Variants in TFB1M observed in about 807,000 individuals in gnomAD.
TFB1M encodes the protein transcription factor B1, mitochondrial, also known as dimethyladenosine transferase 1, mitochondrial.
A neutral mutation model predicts 31.1 loss-of-function variants in TFB1M; 27 were observed. That is an observed-to-expected ratio of 0.87 (90% CI 0.64 to 1.20). The LOEUF (loss-of-function observed/expected upper bound fraction) is 1.20. Among genes scored for constraint, TFB1M ranks in the 50% most tolerant of loss-of-function variants. TFB1M has a pLI of 0.00. For missense variants in TFB1M, 394 were observed against 418.7 expected, an observed-to-expected ratio of 0.94 and a Z score of 0.51; for synonymous variants, 166 against 151.8, an observed-to-expected ratio of 1.09 and a Z score of -0.69.
chr6:155,266,291 C>A, intron 5 of TFB1M, among the ~76,000 whole-genome samples: 1 of 152,154 alleles, frequency 6.6e-6, no homozygotes, highest in African/African-American at 2.4e-5. Flanking sequence ...TAAATAAAAG[C>A]CACTGGGTTG....
At chr6:155,293,130 G>A (rs1013915464) in intron 4 of TFB1M, among the ~76,000 whole-genome samples, 4 of 151,706 alleles carry the variant, frequency 2.6e-5, no homozygotes, top group African/African-American at 7.3e-5. Flanking sequence ...GAGCCAGCAC[G>A]CCTGGCCAAA....
At chr6:155,285,106 G>A in intron 5 of TFB1M, 52 bp downstream of exon 5, 2 of 1,609,198 alleles carry the variant, frequency 1.2e-6, no homozygotes, top group Non-Finnish European at 1.7e-6. Context: ...ACATCCTCAG[G>A]GGAACAAACG....
At chr6:155,253,746 A>T (rs1008582391), downstream of TFB1M, 18 of 474,244 alleles carry the variant, frequency 3.8e-5, no homozygotes, top group African/African-American at 3.4e-4. Flanking sequence ...GGGTGAAGGC[A>T]GTTCAGATGG....
In TFB1M at chr6:155,257,134, C is replaced by CAGAT. The variant is rs777421853; in HGVS notation, c.*698_*701dup. The CAGAT allele has an allele frequency of 1.3e-6, 2 of 1,579,710 alleles. No individual in the cohort carries two copies. Among genetic ancestry groups the CAGAT allele is most frequent in the Admixed American group, 3.5e-5 (2 of 57,936 alleles). The stretch of plus-strand genomic sequence containing the variant: ...CGGAAAATCATAGTATGATTCAATC[C>CAGAT]AGATATGGGTTAAATTCCTCATTTT... On this transcript the variant is annotated 3_prime_UTR_variant, in exon 7 of 7. Transcript: ENST00000367166.
At chr6:155,268,576 C>T (rs928737407) in intron 5 of TFB1M, among the ~76,000 whole-genome samples, 5 of 152,158 alleles carry the variant, frequency 3.3e-5, no homozygotes, top group African/African-American at 1.2e-4. Flanking sequence ...CATCACTAAG[C>T]AACACCACAC....
At chr6:155,299,193 C>A (rs1343732065) in intron 2 of TFB1M, among the ~76,000 whole-genome samples, 1 of 151,948 alleles carries the variant, frequency 6.6e-6, no homozygotes, top group Non-Finnish European at 1.5e-5. Context: ...AATGAATTAC[C>A]CTGGATGTTT....
intron 4 of TFB1M, among the ~76,000 whole-genome samples, chr6:155,293,322 T>C (rs1265564166): frequency 6.6e-6 from 1 of 152,218 alleles, no homozygotes; most frequent in Non-Finnish European, 1.5e-5. Flanking sequence ...CTGCTGATTT[T>C]TGATCTGACC....
chr6:155,267,106 C>T (rs905437060), intron 5 of TFB1M, among the ~76,000 whole-genome samples: 3 of 151,596 alleles, frequency 2.0e-5, no homozygotes, highest in East Asian at 2.0e-4. Context: ...TCCTGAGTAG[C>T]TGGAAATACA....
rs1562417646 is a variant in TFB1M at position 155,297,112 on chromosome 6, C to T, written c.395-8G>A. On this transcript the variant is annotated splice_polypyrimidine_tract_variant and splice_region_variant and intron_variant, in intron 3 of 6. Transcript: ENST00000367166. ...TATGTACATTTGGAGGATCTGGTGG[C>T]AGAGGAAAAAACAACCTGAAATGAT... The T allele has an allele frequency of 2.5e-6, 4 of 1,612,584 alleles. No homozygotes were observed. The highest frequency in any genetic ancestry group is 1.7e-6 in the Non-Finnish European group (2 of 1,179,754).
chr6:155,262,097 TG>T (rs1784419459), intron 5 of TFB1M, among the ~76,000 whole-genome samples: 1 of 152,130 alleles, frequency 6.6e-6, no homozygotes, highest in Non-Finnish European at 1.5e-5. Context: ...GAGAGGTCTG[TG>T]GTCATCAGGG....
At chr6:155,266,013 A>T (rs1309926726) in intron 5 of TFB1M, among the ~76,000 whole-genome samples, 1 of 151,856 alleles carries the variant, frequency 6.6e-6, no homozygotes, top group Non-Finnish European at 1.5e-5. Context: ...CTTATATTCT[A>T]GCTGAGCCGG....
the TFB1M span, chr6:155,243,864 A>T: frequency 1.7e-6 from 1 of 573,886 alleles, no homozygotes. Context: ...AAAAAAAAAA[A>T]AAAAAAAAAA....
chr6:155,232,603 C>G, the TFB1M span: 2 of 152,214 alleles, frequency 1.3e-5, no homozygotes, highest in African/African-American at 4.8e-5. Context: ...TGGGGAAACT[C>G]TGAGGACATG....
chr6:155,249,090 G>A, the TFB1M span, among the ~76,000 whole-genome samples: 3 of 152,030 alleles, frequency 2.0e-5, no homozygotes, highest in African/African-American at 7.2e-5. Context: ...ATCTTTAGAA[G>A]GGTTTGATTT....
chr6:155,259,333 A>T (rs1052559395), intron 6 of TFB1M, among the ~76,000 whole-genome samples: 3 of 152,236 alleles, frequency 2.0e-5, no homozygotes, highest in African/African-American at 7.2e-5. Flanking sequence ...AGCAGGAACT[A>T]TCTGGTAAGG....
downstream of TFB1M, chr6:155,252,133 C>A: frequency 1.5e-6 from 1 of 671,234 alleles, no homozygotes; most frequent in Non-Finnish European, 2.6e-6. Flanking sequence ...GGGTAACTAA[C>A]CCCATCACAT....
At chr6:155,309,449 A>T (rs1343845538) in intron 2 of TFB1M, among the ~76,000 whole-genome samples, 1 of 152,204 alleles carries the variant, frequency 6.6e-6, no homozygotes, top group Non-Finnish European at 1.5e-5. Context: ...AATGAGATAA[A>T]ACAAGGCTGG....
At chr6:155,242,901 A>G in the TFB1M span, among the ~76,000 whole-genome samples, 3 of 131,834 alleles carry the variant, frequency 2.3e-5, no homozygotes, top group Admixed American at 2.2e-4. Flanking sequence ...ACACCCAGCT[A>G]TTTTTTTTTT....
the TFB1M span, chr6:155,250,543 C>G: frequency 6.5e-7 from 1 of 1,535,538 alleles, no homozygotes; most frequent in African/African-American, 1.4e-5. Flanking sequence ...ATCAGCAGCC[C>G]GAATGGAGCT....
Sources: allele counts gnomAD v4.1 joint callset (sites outside exome capture counted in the v4.1 genomes callset), GRCh38; gene constraint gnomAD v4.1.1; transcripts MANE v1.5; gene names NCBI Gene and HGNC (gene_info 2026-07-23, HGNC 2026-07-21).